Variants in ADCY9 observed in about 807,000 individuals in gnomAD.
ADCY9 encodes adenylate cyclase 9, also known as adenylate cyclase type 9.
In ADCY9, 50 loss-of-function variants were observed where a neutral mutation model predicts 101.5. The observed-to-expected ratio is 0.49, with a 90% CI of 0.39 to 0.62. The LOEUF is 0.62. ADCY9 is among the 20% of genes least tolerant of loss of function. The pLI is 0.00. For missense variants in ADCY9, 1,662 were observed against 1,800.4 expected (o/e 0.92, Z 1.39); for synonymous variants, 905 against 769.3 (o/e 1.18, Z -2.92).
chr16:3,958,291 C>T (rs530778573), downstream of ADCY9, among the ~76,000 whole-genome samples: 8 of 152,090 alleles, frequency 5.3e-5, no homozygotes, highest in Admixed American at 5.2e-4. Context: ...CCTGTAACCC[C>T]AGCACTCTGG....
chr16:3,996,316 T>C (rs2056286400), intron 3 of ADCY9, among the ~76,000 whole-genome samples: 1 of 152,180 alleles, frequency 6.6e-6, no homozygotes, highest in Admixed American at 6.5e-5. Context: ...GCACTGTGAT[T>C]GTGCCACTGC....
intron 10 of ADCY9, among the ~76,000 whole-genome samples, chr16:3,968,028 A>G (rs181708797): frequency 2.6e-5 from 4 of 151,984 alleles, no homozygotes; most frequent in African/African-American, 9.6e-5. Context: ...AGTTGCTGAC[A>G]TGGCACTTCA....
In ADCY9 at chr16:3,981,237, C is replaced by CA. The variant is rs541080889; in HGVS notation, c.2520-1963dup. On this transcript the variant is annotated intron_variant, in intron 7 of 10. Coordinates refer to ENST00000294016, the MANE Select transcript of ADCY9 (RefSeq NM_001116.4). The stretch of plus-strand genomic sequence containing the variant: ...CTGTGCAGGCAGTTCCAGCGCACCT[C>CA]ACCCCAGCCCTCGGCAGTCTACACC... 8.5e-5 allele frequency among the ~76,000 whole-genome samples: 13 copies of CA among 152,324 alleles called. No individual in the cohort carries two copies. The East Asian group carries it at 1.7e-3, about 20-fold the overall frequency.
At position 4,104,814 on chromosome 16, in the gene ADCY9, C is replaced by T. The variant is rs372797776; in HGVS notation, c.1693+8936G>A. Among the ~76,000 whole-genome samples, 22 of 152,262 alleles carry T rather than the reference C, an allele frequency of 1.4e-4. No individual in the cohort carries two copies. The East Asian group carries it at 3.3e-3, about 23-fold the overall frequency. On this transcript the variant is annotated intron_variant, in intron 2 of 10. Coordinates refer to ENST00000294016, the MANE Select transcript of ADCY9 (RefSeq NM_001116.4). Reference sequence around the variant, plus strand: ...GAACACACTTAAAAGTGTTTTAACACGGTAGATTTCTGTTGTGTACATTTT... The same window carrying T: ...GAACACACTTAAAAGTGTTTTAACATGGTAGATTTCTGTTGTGTACATTTT...
intron 2 of ADCY9, among the ~76,000 whole-genome samples, chr16:4,075,843 G>GATA (rs146473414): frequency 3.9e-5 from 4 of 103,558 alleles, no homozygotes; most frequent in African/African-American, 1.5e-4. Flanking sequence ...CAGATACCTG[G>GATA]CTGAGAGTAT....
chr16:4,114,118 C>G lies in ADCY9; in HGVS notation c.1325G>C (p.Gly442Ala). The change falls in exon 2 of 11, where the codon GGA becomes GCA. Residue 442 changes from glycine (G) to alanine (A), a missense_variant. By Grantham distance (60) the Gly-to-Ala change is moderately conservative. Transcript: ENST00000294016. The surrounding 1 kb of genome is among the most constrained non-coding windows in gnomAD (Gnocchi z 4.3). Reference protein sequence around the residue: ...ETKCEKISTLGDCYYCVAGCP... With the variant: ...ETKCEKISTLADCYYCVAGCP... ...GCCCGCCACGCAGTAGTAACAGTCT[C>G]CCAGGGTGCTGATTTTCTCACACTT... 6.2e-7 allele frequency: 1 copy of G among 1,613,838 alleles called. No individual in the cohort carries two copies.
At chr16:4,101,792 C>G (rs1384648895) in intron 2 of ADCY9, among the ~76,000 whole-genome samples, 1 of 152,156 alleles carries the variant, frequency 6.6e-6, no homozygotes, top group Non-Finnish European at 1.5e-5. Flanking sequence ...GCTGGAGTTG[C>G]ACAGCTGAAG....
chr16:4,004,506 G>A (rs930769054), intron 3 of ADCY9, among the ~76,000 whole-genome samples: 9 of 152,350 alleles, frequency 5.9e-5, no homozygotes, highest in Admixed American at 2.6e-4. Flanking sequence ...GTTCTACACA[G>A]TTCTGCTCGG....
chr16:4,072,994 G>GAAAAAAAAAAAAAAAAAAAAAAAAAA (rs59730727), intron 2 of ADCY9, among the ~76,000 whole-genome samples: 1 of 129,680 alleles, frequency 7.7e-6, no homozygotes, highest in Non-Finnish European at 1.6e-5. Flanking sequence ...TATCCTAAAA[G>GAAAAAAAAAAAAAAAAAAAAAAAAAA]AAAAAAAAAA....
rs560999002 is a variant in ADCY9, at chr16:4,004,422, T to C, written c.1884+2946A>G. Among the ~76,000 whole-genome samples, 8 of 152,238 alleles carry C rather than the reference T, an allele frequency of 5.3e-5. No individual in the cohort carries two copies. The East Asian group carries it at 1.4e-3, about 26-fold the overall frequency. ...AGATAAGAATTTTCCAGCTATGACC[T>C]AGGAGATGACTTAAGGTCACAGAGG... On this transcript the variant is annotated intron_variant, in intron 3 of 10. Coordinates refer to ENST00000294016, the MANE Select transcript of ADCY9 (RefSeq NM_001116.4).
intron 9 of ADCY9, 58 bp downstream of exon 9, chr16:3,977,424 C>T: frequency 6.5e-7 from 1 of 1,527,006 alleles, no homozygotes; most frequent in Non-Finnish European, 8.8e-7. Flanking sequence ...AGGCCCTACG[C>T]AACCTCGGGC....
chr16:4,085,427 G>A (rs2056931653), intron 2 of ADCY9, among the ~76,000 whole-genome samples: 1 of 152,072 alleles, frequency 6.6e-6, no homozygotes, highest in African/African-American at 2.4e-5. Context: ...TGTGCACCCA[G>A]CCCCCAGGAG....
At chr16:4,027,763 G>T (rs1348221330) in intron 2 of ADCY9, among the ~76,000 whole-genome samples, 3 of 151,952 alleles carry the variant, frequency 2.0e-5, no homozygotes, top group African/African-American at 7.3e-5. Flanking sequence ...TGTAATCCCA[G>T]CTACTTGGGA....
intron 6 of ADCY9, among the ~76,000 whole-genome samples, chr16:3,988,753 A>C (rs2056219157): frequency 6.6e-6 from 1 of 152,170 alleles, no homozygotes; most frequent in African/African-American, 2.4e-5. Context: ...GCCACGGCAG[A>C]GGAAAGGGGC....
chr16:3,991,763 TAAAAA>T (rs55746006), intron 5 of ADCY9, among the ~76,000 whole-genome samples: 32 of 91,404 alleles, frequency 3.5e-4, no homozygotes, highest in South Asian at 4.6e-4. Context: ...CTAGTCCTTA[TAAAAA>T]AAAAAAAAAA....
chr16:4,054,196 C>G (rs1295486434), intron 2 of ADCY9: 1 of 152,084 alleles, frequency 6.6e-6, no homozygotes, highest in African/African-American at 2.4e-5. Context: ...TGAGTGCATA[C>G]TTGTGGAATT....
intron 2 of ADCY9, among the ~76,000 whole-genome samples, chr16:4,026,675 T>C (rs79946034): frequency 0.1 from 15,491 of 152,192 alleles, 892 homozygotes; most frequent in Middle Eastern, 0.14. Context: ...AGGAATGAAC[T>C]AGAGACCCAT....
At chr16:4,113,514 C>T (rs567895767) in intron 2 of ADCY9, among the ~76,000 whole-genome samples, 2 of 152,296 alleles carry the variant, frequency 1.3e-5, no homozygotes, top group East Asian at 3.9e-4. Flanking sequence ...AGTTCTCCTT[C>T]CTTCTAAAGG....
chr16:3,960,644 TC>T (rs796838341), downstream of ADCY9, among the ~76,000 whole-genome samples: 5 of 152,088 alleles, frequency 3.3e-5, no homozygotes, highest in African/African-American at 1.2e-4. Context: ...GCCAAACCTG[TC>T]CCCACCCCGG....
Sources: allele counts gnomAD v4.1 joint callset (sites outside exome capture counted in the v4.1 genomes callset), GRCh38; gene constraint gnomAD v4.1.1; non-coding constraint Gnocchi (gnomAD v3.1); transcripts MANE v1.5; gene names NCBI Gene and HGNC (gene_info 2026-07-23, HGNC 2026-07-21).